Variants in C12orf42 observed in about 807,000 individuals in gnomAD.
C12orf42 encodes chromosome 12 open reading frame 42.
In C12orf42, 25 loss-of-function variants were observed where a neutral mutation model predicts 21.6. The observed-to-expected ratio is 1.16, with a 90% confidence interval of 0.84 to 1.62. The LOEUF (loss-of-function observed/expected upper bound fraction) is 1.62, where lower values mean the gene tolerates loss of function less well. Ranked by LOEUF, C12orf42 falls within the 40% of genes most tolerant of loss-of-function variation. The pLI is 0.00. For missense variants in C12orf42, 483 were observed against 459.3 expected (o/e 1.05, Z -0.47); for synonymous variants, 174 against 175.0 (o/e 0.99, Z 0.05).
intron 10 of C12orf42, among the ~76,000 whole-genome samples, chr12:103,241,496 A>C (rs2033744104): frequency 3.3e-5 from 5 of 152,198 alleles, no homozygotes; most frequent in Admixed American, 3.3e-4. Flanking sequence ...ACCTTATAAA[A>C]GTGGAGGAGT....
chr12:103,268,427 G>A (rs999406326), downstream of C12orf42: 25 of 151,696 alleles, frequency 1.6e-4, no homozygotes, highest in African/African-American at 5.8e-4. Context: ...TATTAGCAGA[G>A]TCTGTTTTAT....
chr12:103,545,989 C>A, the C12orf42 span, among the ~76,000 whole-genome samples: 1 of 152,192 alleles, frequency 6.6e-6, no homozygotes. Flanking sequence ...ATTAGTTGAG[C>A]ACTTTCTATA....
chr12:103,543,958 A>G, the C12orf42 span, among the ~76,000 whole-genome samples: 3 of 148,970 alleles, frequency 2.0e-5, no homozygotes, highest in South Asian at 6.4e-4. Context: ...CAGTGGCGCG[A>G]TCTCAGCTCA....
At chr12:103,231,059 T>G in the C12orf42 span, among the ~76,000 whole-genome samples, 2 of 152,234 alleles carry the variant, frequency 1.3e-5, no homozygotes, top group African/African-American at 4.8e-5. Flanking sequence ...ACATTTTAAA[T>G]TTACAAGTGT....
the C12orf42 span, among the ~76,000 whole-genome samples, chr12:103,198,709 C>T: frequency 2.6e-5 from 4 of 152,210 alleles, no homozygotes; most frequent in African/African-American, 4.8e-5. Flanking sequence ...TCCACACCTG[C>T]TTAACTCACC....
the C12orf42 span, among the ~76,000 whole-genome samples, chr12:103,506,983 T>A: frequency 0.042 from 5 of 118 alleles, no homozygotes; most frequent in Admixed American, 0.1. Flanking sequence ...AATATATATA[T>A]TATATAAATA....
At chr12:103,130,638 T>A in the C12orf42 span, among the ~76,000 whole-genome samples, 5 of 152,032 alleles carry the variant, frequency 3.3e-5, no homozygotes, top group African/African-American at 9.7e-5. Context: ...GAAGCAGGGT[T>A]TGGCAAAAGC....
chr12:103,527,056 C>T, the C12orf42 span, among the ~76,000 whole-genome samples: 1 of 152,142 alleles, frequency 6.6e-6, no homozygotes, highest in Admixed American at 6.6e-5. Flanking sequence ...TGACTTCTGG[C>T]AGCCTATGGG....
At chr12:103,103,774 C>T in the C12orf42 span, among the ~76,000 whole-genome samples, 1 of 151,038 alleles carries the variant, frequency 6.6e-6, no homozygotes, top group Non-Finnish European at 1.5e-5. Context: ...TTAAATTAAT[C>T]GATAGTAATC....
intron 2 of C12orf42, among the ~76,000 whole-genome samples, chr12:103,461,564 A>T (rs1952702398): frequency 1.3e-5 from 2 of 152,352 alleles, no homozygotes; most frequent in Admixed American, 1.3e-4. Context: ...CTACATTTAT[A>T]CTTATGGAAC....
intron 2 of C12orf42, among the ~76,000 whole-genome samples, chr12:103,415,987 A>G (rs2049284121): frequency 6.7e-6 from 1 of 150,276 alleles, no homozygotes; most frequent in Admixed American, 6.6e-5. Flanking sequence ...ATGGGTCTAC[A>G]TGATTTAGCA....
the C12orf42 span, among the ~76,000 whole-genome samples, chr12:103,217,769 T>A: frequency 4.0e-4 from 61 of 152,154 alleles, 1 homozygote; most frequent in African/African-American, 1.4e-3. Context: ...CTATATATAG[T>A]TATATATATT....
At chr12:103,052,517 T>A in the C12orf42 span, among the ~76,000 whole-genome samples, 3 of 152,106 alleles carry the variant, frequency 2.0e-5, no homozygotes, top group Admixed American at 6.5e-5. Context: ...ATTTATTCAA[T>A]TGTCTGGATT....
At chr12:103,201,440 G>A in the C12orf42 span, among the ~76,000 whole-genome samples, 5 of 151,988 alleles carry the variant, frequency 3.3e-5, no homozygotes, top group Admixed American at 1.3e-4. Context: ...AAATCACAAT[G>A]CGATCAAGAA....
chr12:103,525,215 G>A, the C12orf42 span, among the ~76,000 whole-genome samples: 1 of 151,966 alleles, frequency 6.6e-6, no homozygotes, highest in African/African-American at 2.4e-5. Flanking sequence ...AGATTGGGCG[G>A]GGGGAAGTCT....
chr12:103,474,458 G>A (rs3065861), intron 2 of C12orf42, among the ~76,000 whole-genome samples: 14 of 62,940 alleles, frequency 2.2e-4, no homozygotes, highest in East Asian at 4.0e-4. Flanking sequence ...GTATGTATGT[G>A]TGTGTGTGTG....
At chr12:103,552,740 AT>A in the C12orf42 span, among the ~76,000 whole-genome samples, 3 of 152,126 alleles carry the variant, frequency 2.0e-5, no homozygotes, top group Admixed American at 1.3e-4. Context: ...TTATTAGTCC[AT>A]TTTCACACTG....
the C12orf42 span, among the ~76,000 whole-genome samples, chr12:103,216,364 T>C: frequency 6.6e-6 from 1 of 151,608 alleles, no homozygotes; most frequent in Non-Finnish European, 1.5e-5. Flanking sequence ...TGGAGAACAA[T>C]ACTTTTTTTT....
the C12orf42 span, among the ~76,000 whole-genome samples, chr12:103,057,106 C>A: frequency 6.6e-6 from 1 of 151,862 alleles, no homozygotes; most frequent in African/African-American, 2.4e-5. Context: ...TGAGACTCTG[C>A]ACTCATGTAA....
Sources: allele counts gnomAD v4.1 joint callset (sites outside exome capture counted in the v4.1 genomes callset), GRCh38; gene constraint gnomAD v4.1.1; transcripts MANE v1.5; gene names NCBI Gene and HGNC (gene_info 2026-07-23, HGNC 2026-07-21).